Variants in MAN1A2 observed in about 807,000 individuals in gnomAD.
The protein encoded by MAN1A2 is mannosidase alpha class 1A member 2.
Under a neutral mutation model 75.7 loss-of-function variants are expected in MAN1A2, and 26 were observed. That is an observed-to-expected ratio of 0.34 (90% confidence interval 0.25 to 0.48). The LOEUF (loss-of-function observed/expected upper bound fraction) is 0.48. MAN1A2 is among the 20% of genes least tolerant of loss of function. MAN1A2 has a pLI of 0.99. For missense variants in MAN1A2, 562 were observed against 775.5 expected (o/e 0.72, Z 3.27); for synonymous variants, 247 against 264.6 (o/e 0.93, Z 0.65).
chr1:117,442,477 ATG>A (rs1309271812), intron 6 of MAN1A2, 152 bp downstream of exon 6: 2 of 570,528 alleles, frequency 3.5e-6, no homozygotes, highest in Non-Finnish European at 6.2e-6. Flanking sequence ...ATATGCATAA[ATG>A]TGTTTCTTTA....
chr1:117,515,726 G>A (rs1429130810), intron 12 of MAN1A2: 4 of 152,386 alleles, frequency 2.6e-5, no homozygotes, highest in Non-Finnish European at 5.9e-5. Flanking sequence ...GCCATAAAAA[G>A]ACAAATATGG....
At chr1:117,379,637 C>T (rs537757626) in intron 1 of MAN1A2, among the ~76,000 whole-genome samples, 148 of 152,258 alleles carry the variant, frequency 9.7e-4, no homozygotes, top group Middle Eastern at 3.4e-3. Context: ...TCCATTCCCT[C>T]CTCCCTGCTT....
At position 117,390,089 on chromosome 1, in the gene MAN1A2, AGTTT is replaced by A. The variant is rs201063711; in HGVS notation, c.303-12088_303-12085del. On this transcript the variant is annotated intron_variant, in intron 1 of 12. Transcript: ENST00000356554. ...GTTTTCTGTGTTTATGAGGGATATT[AGTTT>A]GTTTGTTTATTTATTTATTATATTT... is the stretch of plus-strand genomic sequence containing the variant. Among the ~76,000 whole-genome samples, 664 of 152,150 alleles carry A rather than the reference AGTTT, an allele frequency of 4.4e-3. 6 individuals carry two copies. The highest frequency in any genetic ancestry group is 0.015 in the African/African-American group (622 of 41,516).
intron 1 of MAN1A2, among the ~76,000 whole-genome samples, chr1:117,401,241 A>C (rs1369048297): frequency 6.7e-6 from 1 of 150,164 alleles, no homozygotes; most frequent in Non-Finnish European, 1.5e-5. Context: ...TTACATCTTT[A>C]GTGTTTTAAA....
rs1426472936 is a variant in MAN1A2 at position 117,368,026 on chromosome 1, G to T, written c.-158G>T. On this transcript the variant is annotated 5_prime_UTR_variant, in exon 1 of 13. Transcript: ENST00000356554. ...CACGTTTCTGAGTGGGAATGGATGGGCGTGAATGACGTGCCCTCTTAAAAA... is the reference window on the plus strand; with the variant it reads ...CACGTTTCTGAGTGGGAATGGATGGTCGTGAATGACGTGCCCTCTTAAAAA... 2 of 653,026 alleles carry T rather than the reference G, an allele frequency of 3.1e-6. No individual in the cohort carries two copies. The highest frequency in any genetic ancestry group is 3.6e-5 in the African/African-American group (2 of 55,258). The allele number at this position is 653,026 out of a possible 1,614,324, so 40.5% of individuals were successfully genotyped here.
At chr1:117,438,954 TG>T (rs1460440461) in intron 5 of MAN1A2, among the ~76,000 whole-genome samples, 1 of 152,144 alleles carries the variant, frequency 6.6e-6, no homozygotes, top group Non-Finnish European at 1.5e-5. Context: ...TAAAGTGGGA[TG>T]GGGCATAAAG....
At chr1:117,401,603 C>T (rs1279124944) in intron 1 of MAN1A2, among the ~76,000 whole-genome samples, 1 of 152,122 alleles carries the variant, frequency 6.6e-6, no homozygotes, top group Non-Finnish European at 1.5e-5. Context: ...AGGAGCTCTT[C>T]ATGATACAGA....
At chr1:117,467,067 A>AT (rs1650003988) in intron 8 of MAN1A2, among the ~76,000 whole-genome samples, 1 of 152,094 alleles carries the variant, frequency 6.6e-6, no homozygotes, top group Admixed American at 6.6e-5. Context: ...GGAGAGGGTA[A>AT]TTTTTCTTAT....
At chr1:117,412,478 T>G (rs1647854701) in intron 3 of MAN1A2, among the ~76,000 whole-genome samples, 1 of 151,728 alleles carries the variant, frequency 6.6e-6, no homozygotes. Flanking sequence ...CATTTCTAAT[T>G]CATCCATTTC....
chr1:117,440,166 A>G (rs534247804), intron 5 of MAN1A2, among the ~76,000 whole-genome samples: 16 of 152,164 alleles, frequency 1.1e-4, no homozygotes, highest in Non-Finnish European at 2.2e-4. Flanking sequence ...ACAAGTTCAG[A>G]ATGTGTGATA....
chr1:117,458,423 C>T (rs1649671143), intron 6 of MAN1A2, among the ~76,000 whole-genome samples: 1 of 146,760 alleles, frequency 6.8e-6, no homozygotes, highest in East Asian at 2.0e-4. Flanking sequence ...TTAATGTTCT[C>T]TAAACACAAA....
chr1:117,391,637 A>G (rs1653723490), intron 1 of MAN1A2, among the ~76,000 whole-genome samples: 1 of 152,192 alleles, frequency 6.6e-6, no homozygotes, highest in Non-Finnish European at 1.5e-5. Context: ...ACCCATGTTA[A>G]CTGTACAGTT....
chr1:117,408,765 C>G (rs1647704171), intron 3 of MAN1A2, among the ~76,000 whole-genome samples: 1 of 93,446 alleles, frequency 1.1e-5, no homozygotes, highest in South Asian at 4.1e-4. Context: ...AAACCACTTG[C>G]ATCTGGAATT....
chr1:117,428,129 G>C (rs550878807), intron 5 of MAN1A2, among the ~76,000 whole-genome samples: 1 of 150,304 alleles, frequency 6.7e-6, no homozygotes, highest in Non-Finnish European at 1.5e-5. Flanking sequence ...TTTTTTTTGG[G>C]GGGGGACCGA....
intron 5 of MAN1A2, among the ~76,000 whole-genome samples, chr1:117,426,965 T>C (rs1159394633): frequency 6.6e-6 from 1 of 152,190 alleles, no homozygotes; most frequent in Non-Finnish European, 1.5e-5. Flanking sequence ...TATATACATA[T>C]ACTAGGCTGT....
At chr1:117,376,895 T>C (rs1235120858) in intron 1 of MAN1A2, among the ~76,000 whole-genome samples, 1 of 152,242 alleles carries the variant, frequency 6.6e-6, no homozygotes, top group African/African-American at 2.4e-5. Context: ...TTAGGTATTA[T>C]AAGTAAGCTA....
rs1652078843 is a variant in MAN1A2, at chr1:117,528,359, C to T, written c.*5402C>T. The T allele has an allele frequency of 6.6e-6, 1 of 152,006 alleles. No individual in the cohort carries two copies. The highest frequency in any genetic ancestry group is 1.5e-5 in the Non-Finnish European group (1 of 67,970). 9.4% of individuals were successfully genotyped at this position (152,006 alleles called of 1,614,324 possible). ...GGAGCAGAGACTTACTGTCTCTCTT[C>T]CACATTATAAATGAACTGCCTTTCC... On this transcript the variant is annotated 3_prime_UTR_variant, in exon 13 of 13. Coordinates refer to ENST00000356554, the MANE Select transcript of MAN1A2 (RefSeq NM_006699.5).
chr1:117,397,154 T>C (rs1653928934), intron 1 of MAN1A2, among the ~76,000 whole-genome samples: 1 of 152,148 alleles, frequency 6.6e-6, no homozygotes, highest in Non-Finnish European at 1.5e-5. Context: ...TGCCCTCTAG[T>C]TGATATTGGT....
intron 12 of MAN1A2, among the ~76,000 whole-genome samples, chr1:117,516,959 A>G (rs2101894276): frequency 6.6e-6 from 1 of 152,260 alleles, no homozygotes; most frequent in Non-Finnish European, 1.5e-5. Context: ...ATCCTAGAGG[A>G]TTAAAGGCAG....
Sources: allele counts gnomAD v4.1 joint callset (sites outside exome capture counted in the v4.1 genomes callset), GRCh38; gene constraint gnomAD v4.1.1; transcripts MANE v1.5; gene names NCBI Gene and HGNC (gene_info 2026-07-23, HGNC 2026-07-21).